PRRG4: variants seen among roughly 807,000 people sequenced by gnomAD.
PRRG4 encodes the protein proline rich and Gla domain 4.
Under a neutral mutation model 20.0 loss-of-function variants are expected in PRRG4, and 12 were observed. That is an observed-to-expected ratio of 0.60 (90% confidence interval 0.38 to 0.97). PRRG4 has a LOEUF of 0.97. Among genes scored for constraint, PRRG4 ranks in the 50% least tolerant of loss-of-function variants. The pLI, the probability that PRRG4 is intolerant of heterozygous loss-of-function variation, is 0.00. For missense variants in PRRG4, 199 were observed against 265.1 expected (o/e 0.75, Z 1.73); for synonymous variants, 94 against 96.4 (o/e 0.98, Z 0.15).
rs1467308549 is a variant in PRRG4, at chr11:32,838,912, G to A, written c.298G>A (p.Gly100Arg). ...ATTTTGGCAGGAATATTCAGCTAAA[G>A]GACCAACCACAAAATCAGGTAAAAC... ...IAFWQEYSAK[G>R]PTTKSDGNRE... Residue 100 changes from glycine to arginine, a missense_variant, in exon 4 of 6, where the codon GGA becomes AGA. Transcript: ENST00000257836. 1.2e-6 allele frequency: 2 copies of A among 1,610,158 alleles called. No individual in the cohort carries two copies. Among genetic ancestry groups the A allele is most frequent in the Non-Finnish European group, 1.7e-6 (2 of 1,176,798 alleles).
At chr11:32,829,907 G>A, upstream of PRRG4, 1 of 985,594 alleles carries the variant, frequency 1.0e-6, no homozygotes, top group African/African-American at 1.7e-5. Context: ...GGTGTCCCCA[G>A]GTAGCCGCCT....
At position 32,831,913 on chromosome 11, in the gene PRRG4, C is replaced by A. The variant is rs61889492; in HGVS notation, c.103+1281C>A. Among the ~76,000 whole-genome samples, 31 of 152,076 alleles carry A rather than the reference C, an allele frequency of 2.0e-4. 1 individual carries two copies. Among genetic ancestry groups the A allele is most frequent in the East Asian group, 1.7e-3 (9 of 5,168 alleles). ...GCACGTGCCTATAATCCCAGCTACCCGGGAGGCAGAGGCTGCAGTGAGCTG... is the reference window on the plus strand; with the variant it reads ...GCACGTGCCTATAATCCCAGCTACCAGGGAGGCAGAGGCTGCAGTGAGCTG... On this transcript the variant is annotated intron_variant, in intron 2 of 5. Coordinates refer to ENST00000257836, the MANE Select transcript of PRRG4 (RefSeq NM_024081.6).
intron 1 of PRRG4, 93 bp from the exon 2 acceptor site, chr11:32,830,415 T>C: frequency 9.4e-7 from 1 of 1,066,324 alleles, no homozygotes; most frequent in East Asian, 3.1e-5. Flanking sequence ...GCCTAGGCTT[T>C]GAGTACAACA....
At chr11:32,832,029 A>C (rs1314915706) in intron 2 of PRRG4, among the ~76,000 whole-genome samples, 1 of 152,126 alleles carries the variant, frequency 6.6e-6, no homozygotes, top group Non-Finnish European at 1.5e-5. Context: ...TAAATAAATA[A>C]AAGACAGTCT....
rs1017360295 is a variant in PRRG4 at position 32,840,364 on chromosome 11, G to T, written c.449+125G>T. On this transcript the variant is annotated intron_variant, in intron 5 of 5. Coordinates refer to ENST00000257836, the MANE Select transcript of PRRG4 (RefSeq NM_024081.6). This position sits in a 1 kb window ranked among gnomAD's most constrained non-coding sequence, Gnocchi z 4.1. ...CTTTTATTTTGGAAGAATTTTAGAT[G>T]TATAGGGAAGTTGCAAAGGTTAATA... The T allele has an allele frequency of 1.4e-6, 1 of 696,306 alleles. No homozygotes were observed. The allele number at this position is 696,306 out of a possible 1,614,324, so 43.1% of individuals were successfully genotyped here.
At chr11:32,838,826 AT>A in intron 3 of PRRG4, 55 bp from the exon 4 acceptor site, 1 of 1,339,284 alleles carries the variant, frequency 7.5e-7, no homozygotes, top group South Asian at 1.2e-5. Context: ...TTAGGACCAA[AT>A]GAAATGTGAT....
chr11:32,843,219 G>A (rs1851095870), intron 5 of PRRG4, among the ~76,000 whole-genome samples: 1 of 152,118 alleles, frequency 6.6e-6, no homozygotes, highest in Non-Finnish European at 1.5e-5. Flanking sequence ...TGTGATAAGA[G>A]CATCTGAAAA....
At chr11:32,848,284 A>T (rs951401365) in intron 5 of PRRG4, among the ~76,000 whole-genome samples, 1 of 152,178 alleles carries the variant, frequency 6.6e-6, no homozygotes, top group African/African-American at 2.4e-5. Flanking sequence ...TAATTCATTT[A>T]TGAGGGCAGG....
chr11:32,853,532 C>G lies in PRRG4; in HGVS notation c.*5C>G. 1 of 1,601,684 alleles carries G rather than the reference C, an allele frequency of 6.2e-7. No homozygotes were observed. Among genetic ancestry groups the G allele is most frequent in the South Asian group, 1.1e-5 (1 of 90,830 alleles). On this transcript the variant is annotated 3_prime_UTR_variant, in exon 6 of 6. Transcript: ENST00000257836. ...ATGTCTCTCCCATCTCACTGACTAC[C>G]TTGTCATTTTGGTATAAGAAATTTG... is the stretch of plus-strand genomic sequence containing the variant.
At chr11:32,835,788 A>C (rs1851014399) in intron 2 of PRRG4, among the ~76,000 whole-genome samples, 1 of 152,150 alleles carries the variant, frequency 6.6e-6, no homozygotes, top group African/African-American at 2.4e-5. Flanking sequence ...CAGCAATTTT[A>C]ATATAAAAGT....
Position 32,855,787 on chromosome 11 carries a change from T to G in PRRG4, c.*2260T>G, listed in dbSNP as rs574276156. ...GTGTCTTGGCTTTACATAAGCACTTTTGCTCATGTGACTTTGCACTTTGCA... is the reference window on the plus strand; with the variant it reads ...GTGTCTTGGCTTTACATAAGCACTTGTGCTCATGTGACTTTGCACTTTGCA... On this transcript the variant is annotated 3_prime_UTR_variant, in exon 6 of 6. Transcript: ENST00000257836. 11 of 152,366 alleles carry G rather than the reference T, an allele frequency of 7.2e-5. No individual in the cohort carries two copies. The highest frequency in any genetic ancestry group is 2.4e-4 in the African/African-American group (10 of 41,600). The allele number at this position is 152,366 out of a possible 1,614,324, so 9.4% of individuals were successfully genotyped here.
intron 3 of PRRG4, among the ~76,000 whole-genome samples, chr11:32,837,541 G>GATGATTATT (rs1303509427): frequency 1.6e-3 from 149 of 95,852 alleles, no homozygotes; most frequent in East Asian, 9.8e-3. Flanking sequence ...TGATGATGAT[G>GATGATTATT]ATTATTATTA....
At chr11:32,839,985 A>G in intron 4 of PRRG4, 122 bp from the exon 5 acceptor site, 1 of 579,842 alleles carries the variant, frequency 1.7e-6, no homozygotes. Flanking sequence ...AAGACTTGAA[A>G]GAAGTCAACA....
chr11:32,841,514 AT>A (rs1038652806), intron 5 of PRRG4, among the ~76,000 whole-genome samples: 1 of 152,110 alleles, frequency 6.6e-6, no homozygotes, highest in African/African-American at 2.4e-5. Context: ...AAAAAGGAAA[AT>A]TTGCCTGGCA....
chr11:32,853,506 T>G lies in PRRG4; in HGVS notation c.660T>G (p.Ser220=). ...HTKGFRVFKK[S]MSLPSH is the part of the protein sequence containing the mutation. ...AAGGATTTAGGGTATTTAAAAAATC[T>G]ATGTCTCTCCCATCTCACTGACTAC... Residue 220 remains serine (S), a synonymous_variant, in exon 6 of 6, where the codon TCT becomes TCG. Coordinates refer to ENST00000257836, the MANE Select transcript of PRRG4 (RefSeq NM_024081.6). 2 of 1,613,352 alleles carry G rather than the reference T, an allele frequency of 1.2e-6. No homozygotes were observed. Among genetic ancestry groups the G allele is most frequent in the South Asian group, 1.1e-5 (1 of 91,074 alleles).
intron 3 of PRRG4, among the ~76,000 whole-genome samples, chr11:32,837,523 GATGATGATGATGATGATGATT>G (rs1349712713): frequency 1.9e-5 from 2 of 107,320 alleles, no homozygotes; most frequent in Admixed American, 9.5e-5. Flanking sequence ...TGATGATGAT[GATGATGATGATGATGATGATT>G]ATTATTATTA....
chr11:32,837,520 G>T (rs553212068), intron 3 of PRRG4, among the ~76,000 whole-genome samples: 1 of 100,768 alleles, frequency 9.9e-6, no homozygotes, highest in African/African-American at 4.1e-5. Context: ...TGATGATGAT[G>T]ATGATGATGA....
intron 2 of PRRG4, among the ~76,000 whole-genome samples, chr11:32,831,852 C>G (rs1384438959): frequency 6.6e-6 from 1 of 152,136 alleles, no homozygotes; most frequent in Non-Finnish European, 1.5e-5. Context: ...GAAACCCCGT[C>G]TCTACTAAAT....
chr11:32,836,823 T>A lies in PRRG4; in HGVS notation c.267+2T>A. 1 of 1,608,146 alleles carries A rather than the reference T, an allele frequency of 6.2e-7. No homozygotes were observed. Among genetic ancestry groups the A allele is most frequent in the East Asian group, 2.2e-5 (1 of 44,746 alleles). On this transcript the variant is annotated splice_donor_variant, in intron 3 of 5. Coordinates refer to ENST00000257836, the MANE Select transcript of PRRG4 (RefSeq NM_024081.6). LOFTEE classifies it high-confidence loss of function. The stretch of plus-strand genomic sequence containing the variant: ...ATTTTTGTGGATGAAGATAAAACGG[T>A]AATGTGGTTGATTATGTTAATTGGC...
Sources: allele counts gnomAD v4.1 joint callset (sites outside exome capture counted in the v4.1 genomes callset), GRCh38; gene constraint gnomAD v4.1.1; non-coding constraint Gnocchi (gnomAD v3.1); transcripts MANE v1.5; gene names NCBI Gene and HGNC (gene_info 2026-07-23, HGNC 2026-07-21).